FERMT2: variants seen among roughly 807,000 people sequenced by gnomAD.
FERMT2 encodes fermitin family homolog 2.
FERMT2 carries 15 observed loss-of-function variants against 82.7 expected under a neutral mutation model. That is an observed-to-expected ratio of 0.18 (90% CI 0.12 to 0.28). FERMT2 has a LOEUF of 0.28. FERMT2 is among the 10% of genes least tolerant of loss of function. The probability of loss-of-function intolerance (pLI) is 1.00; values close to 1 mark genes in which losing one functional copy is unlikely to be tolerated. For synonymous variants in FERMT2, 274 were observed against 271.5 expected (o/e 1.01, Z -0.09); for missense variants, 645 against 809.4 (o/e 0.80, Z 2.46).
intron 3 of FERMT2, among the ~76,000 whole-genome samples, chr14:52,911,697 C>T (rs1337439365): frequency 6.6e-5 from 10 of 150,850 alleles, no homozygotes; most frequent in African/African-American, 1.9e-4. Flanking sequence ...AGTTTGCCAA[C>T]ACAGTTTAAT....
chr14:52,875,484 T>C (rs1885896107), intron 7 of FERMT2, 127 bp from the exon 8 acceptor site: 1 of 616,398 alleles, frequency 1.6e-6, no homozygotes, highest in Non-Finnish European at 2.7e-6. Flanking sequence ...GTCTAGGAAC[T>C]AGAACGATAG....
In FERMT2 at chr14:52,878,644, C is replaced by T. The variant is rs1483188728; in HGVS notation, c.901G>A (p.Ala301Thr). ...INQLYEQAKW[A>T]ILLEEIECTE... ...CATTCAATCTCTTCCAGGAGAATGG[C>T]CCATTTGGCCTGCTCGTAAAGCTGA... The change falls in exon 7 of 15, where the codon GCC becomes ACC. Residue 301 changes from alanine to threonine, a missense_variant. Physicochemically the swap from Ala to Thr is moderately conservative, Grantham distance 58 (BLOSUM62 0). Transcript: ENST00000341590. 1.2e-6 allele frequency: 2 copies of T among 1,609,294 alleles called. No homozygotes were observed. Among genetic ancestry groups the T allele is most frequent in the South Asian group, 1.1e-5 (1 of 90,232 alleles).
Position 52,919,098 on chromosome 14 carries a change from T to A in FERMT2, c.391+25A>T, listed in dbSNP as rs765356039. 5 of 1,515,230 alleles carry A rather than the reference T, an allele frequency of 3.3e-6. No individual in the cohort carries two copies. The Admixed American group carries it at 8.5e-5, about 26-fold the overall frequency. 93.9% of individuals were successfully genotyped at this position (1,515,230 alleles called of 1,614,324 possible). On this transcript the variant is annotated intron_variant, in intron 3 of 14. Coordinates refer to ENST00000341590, the MANE Select transcript of FERMT2 (RefSeq NM_006832.3). ...TCTGTACATCACATAACTCGTATTT[T>A]AAGAAGAATTTATGTAATACTTACT...
chr14:52,901,035 C>T (rs919549409), intron 3 of FERMT2, among the ~76,000 whole-genome samples: 11 of 138,536 alleles, frequency 7.9e-5, no homozygotes, highest in Admixed American at 6.4e-4. Context: ...CCGAGGCGGG[C>T]GGATCACGAA....
At chr14:52,899,887 G>T (rs8003683) in intron 3 of FERMT2, among the ~76,000 whole-genome samples, 24,626 of 151,964 alleles carry the variant, frequency 0.16, 2,527 homozygotes, top group African/African-American at 0.28. Flanking sequence ...TGTAAGAGTG[G>T]GGCTGGAGAA....
At chr14:52,911,088 A>G (rs962993843) in intron 3 of FERMT2, among the ~76,000 whole-genome samples, 1 of 152,202 alleles carries the variant, frequency 6.6e-6, no homozygotes, top group African/African-American at 2.4e-5. Flanking sequence ...AATGTTTCCC[A>G]TAATGTAATT....
intron 3 of FERMT2, among the ~76,000 whole-genome samples, chr14:52,916,664 C>T (rs1888632482): frequency 6.6e-6 from 1 of 152,108 alleles, no homozygotes. Flanking sequence ...CAGAAGTGAA[C>T]CCTAACATAA....
intron 10 of FERMT2, chr14:52,871,862 G>C (rs1041966375): frequency 1.3e-5 from 2 of 152,378 alleles, no homozygotes; most frequent in Non-Finnish European, 2.9e-5. Flanking sequence ...GACAGGACAA[G>C]AGAAAACCAG....
At chr14:52,923,623 T>A (rs1037072114) in intron 2 of FERMT2, among the ~76,000 whole-genome samples, 1 of 151,700 alleles carries the variant, frequency 6.6e-6, no homozygotes, top group African/African-American at 2.4e-5. Context: ...AAAGGAGCTA[T>A]CAACCTGCAC....
chr14:52,875,336 T>G lies in FERMT2; in HGVS notation c.985A>C (p.Ile329Leu), dbSNP rs778426570. The change falls in exon 8 of 15, where the codon ATC (isoleucine) becomes CTC (leucine). Residue 329 changes from isoleucine (I) to leucine (L), a missense_variant. Transcript: ENST00000341590. ...TTCAAATGATTCTCTGATGTCATGA[T>G]TGACAGCTTATTGATATGATACTGA... ...ALQYHINKLSIMTSENHLNNS... is the reference protein window; with the variant it reads ...ALQYHINKLSLMTSENHLNNS... 2 of 1,605,446 alleles carry G rather than the reference T, an allele frequency of 1.2e-6. No homozygotes were observed. The highest frequency in any genetic ancestry group is 3.4e-5 in the Admixed American group (2 of 59,682).
At chr14:52,873,897 ACTGTATTACTATGTTTCAGCAT>A (rs1885789374) in intron 9 of FERMT2, among the ~76,000 whole-genome samples, 1 of 151,574 alleles carries the variant, frequency 6.6e-6, no homozygotes. Context: ...GGGCTGTGCC[ACTGTATTACTATGTTTCAGCAT>A]CTGTATGATG....
At chr14:52,910,327 A>C (rs1306278681) in intron 3 of FERMT2, among the ~76,000 whole-genome samples, 1 of 152,224 alleles carries the variant, frequency 6.6e-6, no homozygotes, top group Non-Finnish European at 1.5e-5. Flanking sequence ...CTAAAGCCGA[A>C]AGACCCAAAT....
In FERMT2 at chr14:52,874,250, T is replaced by G. The variant is rs755181224; in HGVS notation, c.1099-24A>C. On this transcript the variant is annotated intron_variant, in intron 8 of 14. Coordinates refer to ENST00000341590, the MANE Select transcript of FERMT2 (RefSeq NM_006832.3). ...CCCTAGGAGAGAGTTAAATCCTTTT[T>G]TAATTTTTTTAATATTTGAAATTCT... 1.8e-5 allele frequency: 27 copies of G among 1,482,566 alleles called. No individual in the cohort carries two copies. In the South Asian group the frequency reaches 3.3e-4, roughly 18 times the overall value. 91.8% of individuals were successfully genotyped at this position (1,482,566 alleles called of 1,614,324 possible). A position where few individuals can be genotyped will look rare whatever the true frequency, so the allele number is the denominator to read the frequency against.
At chr14:52,883,085 G>A (rs1383922606) in intron 4 of FERMT2, among the ~76,000 whole-genome samples, 3 of 152,026 alleles carry the variant, frequency 2.0e-5, no homozygotes, top group Admixed American at 6.6e-5. Context: ...TTCGGGAGGC[G>A]AAGGCTGCAG....
chr14:52,895,577 G>A (rs1444659863), intron 3 of FERMT2, among the ~76,000 whole-genome samples: 3 of 152,168 alleles, frequency 2.0e-5, no homozygotes, highest in African/African-American at 7.2e-5. Context: ...AGATAAATTA[G>A]AAAAGAGTAT....
intron 7 of FERMT2, among the ~76,000 whole-genome samples, chr14:52,875,658 C>T (rs1885908596): frequency 6.9e-6 from 1 of 145,646 alleles, no homozygotes; most frequent in Non-Finnish European, 1.5e-5. Context: ...AGATTTTTGA[C>T]TTTTTTTTTT....
intron 3 of FERMT2, among the ~76,000 whole-genome samples, chr14:52,914,500 G>A (rs188649352): frequency 3.4e-4 from 51 of 152,230 alleles, no homozygotes; most frequent in African/African-American, 1.2e-3. Context: ...CATCATTACC[G>A]CTATTATGCA....
At chr14:52,927,590 T>TAA (rs1566755584) in intron 2 of FERMT2, among the ~76,000 whole-genome samples, 11 of 11,788 alleles carry the variant, frequency 9.3e-4, no homozygotes, top group African/African-American at 2.0e-3. Context: ...ACCTCATCCC[T>TAA]ATAAAAAAAA....
chr14:52,869,223 G>A (rs974194157), intron 10 of FERMT2, among the ~76,000 whole-genome samples: 1 of 152,114 alleles, frequency 6.6e-6, no homozygotes, highest in Admixed American at 6.5e-5. Flanking sequence ...GAGAGAGGAA[G>A]GTAGTGACCC....
Sources: allele counts gnomAD v4.1 joint callset (sites outside exome capture counted in the v4.1 genomes callset), GRCh38; gene constraint gnomAD v4.1.1; transcripts MANE v1.5; gene names NCBI Gene and HGNC (gene_info 2026-07-23, HGNC 2026-07-21).